The following EVPL variants were observed in gnomAD, a reference collection of about 807,000 sequenced individuals.
EVPL encodes the protein 210 kDa cornified envelope precursor protein.
A neutral mutation model predicts 129.7 loss-of-function variants in EVPL; 94 were observed. The ratio of observed to expected loss-of-function variants is 0.72; its 90% confidence interval spans 0.61 to 0.86. The LOEUF (loss-of-function observed/expected upper bound fraction) is 0.86, where lower values mean the gene tolerates loss of function less well. Ranked by LOEUF, EVPL falls within the 40% of genes least tolerant of loss-of-function variation. The pLI is 0.00. For missense variants in EVPL, 2,625 were observed against 2,721.1 expected (o/e 0.96, Z 0.79); for synonymous variants, 1,172 against 1,191.1 (o/e 0.98, Z 0.33).
chr17:76,011,562 T>C lies in EVPL; in HGVS notation c.2661+14A>G, dbSNP rs1416920756. 2 of 1,606,124 alleles carry C rather than the reference T, an allele frequency of 1.2e-6. No homozygotes were observed. The highest frequency in any genetic ancestry group is 1.7e-6 in the Non-Finnish European group (2 of 1,172,812). On this transcript the variant is annotated intron_variant, in intron 21 of 21. Transcript: ENST00000301607. Reference sequence around the variant, plus strand: ...CTGGCTATTGTGGGAAAGCTGTAGGTGTTGTCTGTGTACCTTCTCCAGCAT... The same window carrying C: ...CTGGCTATTGTGGGAAAGCTGTAGGCGTTGTCTGTGTACCTTCTCCAGCAT...
chr17:76,018,036 G>C, intron 13 of EVPL, 125 bp from the exon 14 acceptor site: 1 of 1,532,836 alleles, frequency 6.5e-7, no homozygotes, highest in Non-Finnish European at 8.8e-7. Flanking sequence ...GGCCACCCCA[G>C]AGATGAAATC....
chr17:76,021,357 G>A, intron 9 of EVPL, 111 bp downstream of exon 9: 8 of 1,042,924 alleles, frequency 7.7e-6, no homozygotes, highest in Non-Finnish European at 1.0e-5. Context: ...CGCCCTGCCA[G>A]CTCTGTCTAG....
At position 76,022,591 on chromosome 17, in the gene EVPL, G is replaced by T; in HGVS notation, c.481-53C>A. 1.3e-6 allele frequency: 2 copies of T among 1,547,722 alleles called. No individual in the cohort carries two copies. Among genetic ancestry groups the T allele is most frequent in the South Asian group, 1.2e-5 (1 of 84,810 alleles). On this transcript the variant is annotated intron_variant, in intron 4 of 21. Transcript: ENST00000301607. The surrounding 1 kb of genome is among the most constrained non-coding windows in gnomAD (Gnocchi z 5.6). ...CAAAGGACCGCGGTGGGGAGCCAGAGAACCCCACACGCCTCCCACCCGGAG... is the reference window on the plus strand; with the variant it reads ...CAAAGGACCGCGGTGGGGAGCCAGATAACCCCACACGCCTCCCACCCGGAG...
chr17:76,012,685 C>G (rs1265357876), intron 18 of EVPL, among the ~76,000 whole-genome samples: 2 of 151,918 alleles, frequency 1.3e-5, no homozygotes, highest in Non-Finnish European at 2.9e-5. Flanking sequence ...CAGGGCCCAC[C>G]TGCACATCAG....
rs1286562953 is a variant in EVPL at position 76,024,348 on chromosome 17, G to A, written c.99-228C>T. On this transcript the variant is annotated intron_variant, in intron 1 of 21. Transcript: ENST00000301607. The surrounding 1 kb of genome is among the most constrained non-coding windows in gnomAD (Gnocchi z 4.5). The stretch of plus-strand genomic sequence containing the variant: ...CAAAAGGTGAGGGTCTCAGGTTTGT[G>A]TGGTGCTGGGGAGGGGGCAGGCGGC... 6.6e-6 allele frequency among the ~76,000 whole-genome samples: 1 copy of A among 152,078 alleles called. No individual in the cohort carries two copies. The highest frequency in any genetic ancestry group is 1.5e-5 in the Non-Finnish European group (1 of 67,950).
At chr17:76,011,739 A>G (rs747808362) in intron 20 of EVPL, 33 bp downstream of exon 20, 2 of 1,610,200 alleles carry the variant, frequency 1.2e-6, no homozygotes, top group South Asian at 2.2e-5. Context: ...GCTGGTGTCA[A>G]GGTCCACTGA....
In EVPL at chr17:76,008,657, C is replaced by T; in HGVS notation, c.4548G>A (p.Glu1516=). 1 of 1,612,548 alleles carries T rather than the reference C, an allele frequency of 6.2e-7. No homozygotes were observed. Among genetic ancestry groups the T allele is most frequent in the South Asian group, 1.1e-5 (1 of 91,076 alleles). Residue 1516 remains glutamate (E), a synonymous_variant, in exon 22 of 22, where the codon GAG becomes GAA. Coordinates refer to ENST00000301607, the MANE Select transcript of EVPL (RefSeq NM_001988.4). The surrounding 1 kb of genome is among the most constrained non-coding windows in gnomAD (Gnocchi z 7.4). ...GGATCACTTCCTTGTAGATGGTCTT[C>T]TCCTGCGATTTGGCTTTCTGGAGGA... ...IDVLQKAKSQ[E]KTIYKEVIRV...
intron 1 of EVPL, among the ~76,000 whole-genome samples, chr17:76,026,509 C>T (rs1291746470): frequency 6.6e-6 from 1 of 152,218 alleles, no homozygotes; most frequent in Non-Finnish European, 1.5e-5. Context: ...GCCACGGCGC[C>T]CGGCCATGAA....
intron 11 of EVPL, 100 bp from the exon 12 acceptor site, chr17:76,018,700 G>T: frequency 7.4e-7 from 1 of 1,350,438 alleles, no homozygotes; most frequent in Non-Finnish European, 1.0e-6. Context: ...GGGGACAGCA[G>T]CTGGAACAGG....
chr17:76,007,541 G>A lies in EVPL; in HGVS notation c.5664C>T (p.Ile1888=), dbSNP rs201015085. The part of the protein sequence containing the change: ...SVHKAMERGL[I]ENTSTQRLLN... ...GCAGCCTCTGTGTGGAGGTGTTCTC[G>A]ATCAGGCCCCTCTCCATCGCCTTGT... is the stretch of plus-strand genomic sequence containing the variant. Residue 1888 remains isoleucine (I), a synonymous_variant, in exon 22 of 22, where the codon ATC becomes ATT. Transcript: ENST00000301607. This position sits in a 1 kb window ranked among gnomAD's most constrained non-coding sequence, Gnocchi z 8.8. 6 of 1,613,932 alleles carry A rather than the reference G, an allele frequency of 3.7e-6. No individual in the cohort carries two copies. Among genetic ancestry groups the A allele is most frequent in the Admixed American group, 1.7e-5 (1 of 60,010 alleles).
At position 76,022,955 on chromosome 17, in the gene EVPL, C is replaced by T. The variant is rs1248428908; in HGVS notation, c.480+337G>A. ...TCCTCAACCAGGGATCAGAATGTCC[C>T]ATGACCTGGCTCTGCCCACCTGCCC... On this transcript the variant is annotated intron_variant, in intron 4 of 21. Transcript: ENST00000301607. The surrounding 1 kb of genome is among the most constrained non-coding windows in gnomAD (Gnocchi z 5.6). 6.6e-6 allele frequency among the ~76,000 whole-genome samples: 1 copy of T among 152,158 alleles called. No individual in the cohort carries two copies. The highest frequency in any genetic ancestry group is 1.5e-5 in the Non-Finnish European group (1 of 68,016).
chr17:76,018,470 G>A lies in EVPL; in HGVS notation c.1415C>T (p.Pro472Leu). The A allele has an allele frequency of 1.2e-6, 2 of 1,612,566 alleles. No individual in the cohort carries two copies. The highest frequency in any genetic ancestry group is 1.7e-6 in the Non-Finnish European group (2 of 1,179,832). The part of the protein sequence containing the change: ...AACFCIPAPD[P>L]DAVARASRLA... The stretch of plus-strand genomic sequence containing the variant: ...CCGGGAGGCCCTGGCCACAGCATCA[G>A]GGTCTGGTGCTGGGATGCAGAAGCA... Residue 472 changes from proline (P) to leucine (L), a missense_variant, in exon 12 of 22, where the codon CCT becomes CTT. By Grantham distance (98) the Pro-to-Leu change is moderately conservative. Coordinates refer to ENST00000301607, the MANE Select transcript of EVPL (RefSeq NM_001988.4).
rs1475430186 is a variant in EVPL at position 76,015,569 on chromosome 17, G to A, written c.1770C>T (p.Cys590=). Residue 590 remains cysteine, a synonymous_variant, in exon 15 of 22, where the codon TGC becomes TGT. Coordinates refer to ENST00000301607, the MANE Select transcript of EVPL (RefSeq NM_001988.4). ...GTEKETAQKE[C]EAFLSTRPVG... ...CGGGCCGCGTGGACAGAAACGCCTC[G>A]CACTCCTTCTGGGCTGTCTCCTTCT... 3.1e-6 allele frequency: 5 copies of A among 1,613,304 alleles called. No homozygotes were observed. The highest frequency in any genetic ancestry group is 1.7e-5 in the Admixed American group (1 of 60,014).
intron 1 of EVPL, among the ~76,000 whole-genome samples, chr17:76,026,357 G>A (rs1336251681): frequency 4.6e-5 from 7 of 151,424 alleles, no homozygotes; most frequent in Non-Finnish European, 8.8e-5. Context: ...CAATAGGCAC[G>A]AGCCACCATG....
chr17:76,014,612 C>T (rs961968609), intron 17 of EVPL, 36 bp from the exon 18 acceptor site: 7 of 1,601,126 alleles, frequency 4.4e-6, no homozygotes, highest in Non-Finnish European at 5.1e-6. Flanking sequence ...GAGATAAGAC[C>T]TGCCCCGTGG....
Position 76,024,999 on chromosome 17 carries a change from G to A in EVPL, c.99-879C>T, listed in dbSNP as rs1486422112. Among the ~76,000 whole-genome samples, 1 of 152,142 alleles carries A rather than the reference G, an allele frequency of 6.6e-6. No individual in the cohort carries two copies. Among genetic ancestry groups the A allele is most frequent in the African/African-American group, 2.4e-5 (1 of 41,416 alleles). On this transcript the variant is annotated intron_variant, in intron 1 of 21. Coordinates refer to ENST00000301607, the MANE Select transcript of EVPL (RefSeq NM_001988.4). The surrounding 1 kb of genome is among the most constrained non-coding windows in gnomAD (Gnocchi z 4.5). ...AAGCCTTGAACTGGGTCAAAGGATG[G>A]GCCCCCCCAGGCAAAGGGACAGTGC... is the stretch of plus-strand genomic sequence containing the variant.
chr17:76,008,108 T>G lies in EVPL; in HGVS notation c.5097A>C (p.Pro1699=). The G allele has an allele frequency of 6.2e-7, 1 of 1,614,100 alleles. No homozygotes were observed. Residue 1699 remains proline (P), a synonymous_variant, in exon 22 of 22, where the codon CCA becomes CCC. Coordinates refer to ENST00000301607, the MANE Select transcript of EVPL (RefSeq NM_001988.4). The surrounding 1 kb of genome is among the most constrained non-coding windows in gnomAD (Gnocchi z 7.4). ...LEPETGKDMS[P]YEAYKRGIID... is the part of the protein sequence containing the mutation. ...TGATGCCCCTCTTGTAGGCCTCGTA[T>G]GGGGACATGTCCTTCCCCGTCTCGG...
intron 4 of EVPL, among the ~76,000 whole-genome samples, chr17:76,023,028 C>A (rs1243405101): frequency 6.6e-6 from 1 of 152,162 alleles, no homozygotes; most frequent in Non-Finnish European, 1.5e-5. Flanking sequence ...CTGGCAGGAA[C>A]CTTTGCTCCT....
In EVPL at chr17:76,023,523, C is replaced by A. The variant is rs200997045; in HGVS notation, c.330G>T (p.Pro110=). The A allele has an allele frequency of 1.2e-6, 2 of 1,613,092 alleles. No homozygotes were observed. The highest frequency in any genetic ancestry group is 1.7e-4 in the Middle Eastern group (1 of 6,008). The change falls in exon 3 of 22, where the codon CCG becomes CCT. Residue 110 remains proline, a synonymous_variant. Transcript: ENST00000301607. ...DVDKARRLKH[P]QAEEIEKDIK... ...ACTCCTTCTCAATCTCCTCAGCCTG[C>A]GGGTGCTTGAGCCGCCGGGCCTTGT...
Sources: gnomAD v4.1 joint callset for allele counts (sites outside exome capture counted in the v4.1 genomes callset) on GRCh38, gnomAD v4.1.1 for gene constraint, Gnocchi (gnomAD v3.1) non-coding constraint, MANE v1.5 for transcripts, NCBI Gene and HGNC (gene_info 2026-07-23, HGNC 2026-07-21) for gene names.